Variants in ZCCHC2 observed in about 807,000 individuals in gnomAD.
The protein encoded by ZCCHC2 is zinc finger CCHC-type containing 2, also known as zinc finger CCHC domain-containing protein 2.
Under a neutral mutation model 103.6 loss-of-function variants are expected in ZCCHC2, and 39 were observed. That is an observed-to-expected ratio of 0.38 (90% CI 0.29 to 0.49). The LOEUF (loss-of-function observed/expected upper bound fraction) is 0.49, where lower values mean the gene tolerates loss of function less well. ZCCHC2 is among the 20% of genes least tolerant of loss of function. The probability of loss-of-function intolerance (pLI) is 0.96; values close to 1 mark genes in which losing one functional copy is unlikely to be tolerated. For missense variants in ZCCHC2, 1,483 were observed against 1,491.0 expected (o/e 0.99, Z 0.09); for synonymous variants, 687 against 608.9 (o/e 1.13, Z -1.89).
chr18:62,524,113 A>G lies in ZCCHC2; in HGVS notation c.689A>G (p.Asp230Gly). The G allele has an allele frequency of 6.6e-7, 1 of 1,525,648 alleles. No individual in the cohort carries two copies. The highest frequency in any genetic ancestry group is 8.8e-7 in the Non-Finnish European group (1 of 1,140,688). 94.5% of individuals were successfully genotyped at this position (1,525,648 alleles called of 1,614,324 possible). A position where few individuals can be genotyped will look rare whatever the true frequency, so the allele number is the denominator to read the frequency against. Residue 230 changes from aspartate to glycine, a missense_variant, in exon 1 of 14, where the codon GAC becomes GGC. By Grantham distance (94) the Asp-to-Gly change is moderately conservative. Coordinates refer to ENST00000269499, the MANE Select transcript of ZCCHC2 (RefSeq NM_017742.6). ...ERGEDGDGEQDAEKDGSGPEG... is the reference protein window; with the variant it reads ...ERGEDGDGEQGAEKDGSGPEG... ...GGCGAGGACGGCGACGGCGAGCAGG[A>G]CGCCGAGAAGGACGGCTCAGGCCCG... is the stretch of plus-strand genomic sequence containing the variant.
At chr18:62,548,059 C>T (rs1038625364) in intron 4 of ZCCHC2, among the ~76,000 whole-genome samples, 3 of 152,124 alleles carry the variant, frequency 2.0e-5, no homozygotes, top group African/African-American at 4.8e-5. Context: ...TTAGATTATC[C>T]GTTGGTCTCA....
chr18:62,585,999 G>C (rs1249547026), exon 15 of ZCCHC2: 1 of 152,174 alleles, frequency 6.6e-6, no homozygotes, highest in African/African-American at 2.4e-5. Flanking sequence ...GGGTATGTCG[G>C]TGTGAGGTGT....
At chr18:62,578,649 T>A (rs537805099), downstream of ZCCHC2, 18 of 152,710 alleles carry the variant, frequency 1.2e-4, no homozygotes, top group African/African-American at 3.8e-4. Flanking sequence ...GCGATTTTTT[T>A]AAAGTTTTAT....
At chr18:62,559,569 G>A (rs963625250) in intron 7 of ZCCHC2, among the ~76,000 whole-genome samples, 2 of 152,206 alleles carry the variant, frequency 1.3e-5, no homozygotes, top group African/African-American at 4.8e-5. Context: ...GAAATTTGGT[G>A]CTGTGTAGTG....
intron 13 of ZCCHC2, among the ~76,000 whole-genome samples, 161 bp downstream of exon 13, chr18:62,575,711 A>C (rs903622673): frequency 5.3e-5 from 8 of 152,242 alleles, no homozygotes; most frequent in African/African-American, 1.7e-4. Flanking sequence ...CTGGAAAAAC[A>C]GTGTAGACCC....
Position 62,557,689 on chromosome 18 carries a change from A to G in ZCCHC2, c.1409-998A>G, listed in dbSNP as rs141548776. Among the ~76,000 whole-genome samples the G allele has an allele frequency of 6.0e-4, 91 of 152,354 alleles. No individual in the cohort carries two copies. In the East Asian group the frequency reaches 0.011, roughly 18 times the overall value. On this transcript the variant is annotated intron_variant, in intron 6 of 13. Transcript: ENST00000269499. Reference sequence around the variant, plus strand: ...ATGTGTTTTTTATTGAACATGTATCAATAGCATCAGTTTAGTTTCAAAAAG... The same window carrying G: ...ATGTGTTTTTTATTGAACATGTATCGATAGCATCAGTTTAGTTTCAAAAAG...
chr18:62,567,944 C>CA (rs71888422), intron 11 of ZCCHC2, among the ~76,000 whole-genome samples: 8 of 81,432 alleles, frequency 9.8e-5, no homozygotes, highest in South Asian at 6.4e-4. Context: ...GACTCTGTCT[C>CA]AAAAAAAAAA....
chr18:62,578,672 T>C (rs554975788), downstream of ZCCHC2: 1 of 152,486 alleles, frequency 6.6e-6, no homozygotes, highest in African/African-American at 2.4e-5. Flanking sequence ...AGGTATGTAA[T>C]TATTTTGGGG....
In ZCCHC2 at chr18:62,523,375, G is replaced by A; in HGVS notation, c.-50G>A. ...CGCCTCGGCCCGTGCTCCACCTCGC[G>A]GCCCCTCCCGCCCGCCCCCGCTCGC... On this transcript the variant is annotated 5_prime_UTR_variant, in exon 1 of 14. Coordinates refer to ENST00000269499, the MANE Select transcript of ZCCHC2 (RefSeq NM_017742.6). 1 of 1,009,540 alleles carries A rather than the reference G, an allele frequency of 9.9e-7. No individual in the cohort carries two copies. The highest frequency in any genetic ancestry group is 3.7e-5 in the South Asian group (1 of 27,026). 62.5% of individuals were successfully genotyped at this position (1,009,540 alleles called of 1,614,324 possible). A position where few individuals can be genotyped will look rare whatever the true frequency, so the allele number is the denominator to read the frequency against.
intron 7 of ZCCHC2, among the ~76,000 whole-genome samples, chr18:62,560,159 A>G (rs1916056287): frequency 6.6e-6 from 1 of 152,230 alleles, no homozygotes; most frequent in Non-Finnish European, 1.5e-5. Flanking sequence ...ACCTTCAGTC[A>G]TTCCTGTGAT....
chr18:62,580,115 G>C (rs1020880233), downstream of ZCCHC2, among the ~76,000 whole-genome samples: 2 of 152,036 alleles, frequency 1.3e-5, no homozygotes, highest in Non-Finnish European at 2.9e-5. Context: ...GCTTTATAAG[G>C]GTATCCTTTT....
chr18:62,554,456 CAAAT>C (rs1424592843), intron 5 of ZCCHC2, among the ~76,000 whole-genome samples: 7 of 152,140 alleles, frequency 4.6e-5, no homozygotes, highest in African/African-American at 1.7e-4. Context: ...TTTGATTTAT[CAAAT>C]AGTTTATGGC....
chr18:62,556,008 C>T (rs1048726835), intron 5 of ZCCHC2, among the ~76,000 whole-genome samples, 195 bp from the exon 6 acceptor site: 3 of 152,174 alleles, frequency 2.0e-5, no homozygotes, highest in Admixed American at 6.5e-5. Flanking sequence ...TCGATTCTTG[C>T]AAATGAATTT....
At chr18:62,555,681 G>A (rs961583985) in intron 5 of ZCCHC2, among the ~76,000 whole-genome samples, 3 of 152,170 alleles carry the variant, frequency 2.0e-5, no homozygotes, top group Non-Finnish European at 2.9e-5. Flanking sequence ...GGTGGCACAT[G>A]CCTGTAATCC....
At position 62,523,910 on chromosome 18, in the gene ZCCHC2, C is replaced by T. The variant is rs1199118291; in HGVS notation, c.486C>T (p.Ala162=). 3.3e-6 allele frequency: 5 copies of T among 1,536,506 alleles called. No homozygotes were observed. The African/African-American group carries it at 5.5e-5, about 17-fold the overall frequency. Residue 162 remains alanine (A), a synonymous_variant, in exon 1 of 14, where the codon GCC becomes GCT. Coordinates refer to ENST00000269499, the MANE Select transcript of ZCCHC2 (RefSeq NM_017742.6). ...GCCTCTCGGACCCGGGGCCGCTGGCCGACTTCCGAGAGCCCGCGGTGCGCT... is the reference window on the plus strand; with the variant it reads ...GCCTCTCGGACCCGGGGCCGCTGGCTGACTTCCGAGAGCCCGCGGTGCGCT... ...ANGLSDPGPL[A]DFREPAVRSR...
chr18:62,561,777 C>T (rs1764405354), intron 8 of ZCCHC2, among the ~76,000 whole-genome samples: 1 of 152,162 alleles, frequency 6.6e-6, no homozygotes, highest in Non-Finnish European at 1.5e-5. Context: ...TACGCATTTC[C>T]CTCTGATTAC....
rs772502185 is a variant in ZCCHC2, at chr18:62,577,215, G to A, written c.*636G>A. Reference sequence around the variant, plus strand: ...ACGTAAATACATATATGCAGTGCTTGTTGTCCAAATAGAAATGAAAATAAG... The same window carrying A: ...ACGTAAATACATATATGCAGTGCTTATTGTCCAAATAGAAATGAAAATAAG... On this transcript the variant is annotated 3_prime_UTR_variant, in exon 14 of 14. Transcript: ENST00000269499. The A allele has an allele frequency of 8.5e-5, 13 of 152,634 alleles. No homozygotes were observed. The highest frequency in any genetic ancestry group is 1.5e-4 in the Non-Finnish European group (10 of 68,050). The allele number at this position is 152,634 out of a possible 1,614,324, so 9.5% of individuals were successfully genotyped here.
downstream of ZCCHC2, among the ~76,000 whole-genome samples, chr18:62,580,545 C>T (rs112428922): frequency 0.041 from 4,284 of 104,262 alleles, 522 homozygotes; most frequent in African/African-American, 0.097. Context: ...GGACCCCTCC[C>T]GAGACGGTGT....
downstream of ZCCHC2, among the ~76,000 whole-genome samples, chr18:62,583,522 G>A (rs942794943): frequency 3.9e-5 from 6 of 152,168 alleles, no homozygotes; most frequent in African/African-American, 1.4e-4. Context: ...CCATCCATTT[G>A]AGCTTGGAAG....
Sources: allele counts gnomAD v4.1 joint callset (sites outside exome capture counted in the v4.1 genomes callset), GRCh38; gene constraint gnomAD v4.1.1; transcripts MANE v1.5; gene names NCBI Gene and HGNC (gene_info 2026-07-23, HGNC 2026-07-21).